TPO: variants seen among roughly 807,000 people sequenced by gnomAD.
TPO encodes thyroid microsomal antigen.
A neutral mutation model predicts 96.9 loss-of-function variants in TPO; 78 were observed. The observed-to-expected ratio is 0.81, with a 90% CI of 0.67 to 0.97. The LOEUF is 0.97. TPO is among the 50% of genes least tolerant of loss of function. The probability of loss-of-function intolerance (pLI) is 0.00; values close to 1 mark genes in which losing one functional copy is unlikely to be tolerated. For missense variants in TPO, 1,252 were observed against 1,274.8 expected (o/e 0.98, Z 0.27); for synonymous variants, 547 against 538.0 (o/e 1.02, Z -0.23).
intron 3 of TPO, among the ~76,000 whole-genome samples, chr2:1,432,398 T>G (rs550253191): frequency 6.6e-6 from 1 of 152,342 alleles, no homozygotes; most frequent in South Asian, 2.1e-4. Context: ...TGTGAAACCT[T>G]GGATTGGTTC....
At chr2:1,407,264 G>A (rs1255491034) in intron 1 of TPO, among the ~76,000 whole-genome samples, 2 of 152,230 alleles carry the variant, frequency 1.3e-5, no homozygotes, top group East Asian at 1.9e-4. Context: ...CACTTTGTTC[G>A]TAAAGGAACT....
chr2:1,543,121 C>A lies in TPO; in HGVS notation c.*647C>A, dbSNP rs981504704. 1 of 155,222 alleles carries A rather than the reference C, an allele frequency of 6.4e-6. No individual in the cohort carries two copies. Among genetic ancestry groups the A allele is most frequent in the South Asian group, 2.0e-4 (1 of 4,998 alleles). The allele number at this position is 155,222 out of a possible 1,614,324, so 9.6% of individuals were successfully genotyped here. ...TTACTCCTCCTTATACCCTCACTCACGGGGAACACAGCCCAGTGATCCCGG... is the reference window on the plus strand; with the variant it reads ...TTACTCCTCCTTATACCCTCACTCAAGGGGAACACAGCCCAGTGATCCCGG... On this transcript the variant is annotated 3_prime_UTR_variant, in exon 17 of 17. Coordinates refer to ENST00000329066, the MANE Select transcript of TPO (RefSeq NM_001206744.2).
At chr2:1,410,791 G>A (rs906767549), upstream of TPO, among the ~76,000 whole-genome samples, 9 of 152,120 alleles carry the variant, frequency 5.9e-5, no homozygotes, top group Non-Finnish European at 1.2e-4. Context: ...TGCGTTCCTT[G>A]CAGATTTCTG....
chr2:1,487,487 C>G (rs1206673565), intron 9 of TPO, among the ~76,000 whole-genome samples: 1 of 152,216 alleles, frequency 6.6e-6, no homozygotes, highest in African/African-American at 2.4e-5. Flanking sequence ...GTAATCCCAG[C>G]ACTTTGGGAG....
At chr2:1,416,554 C>T (rs1662978826) in intron 2 of TPO, among the ~76,000 whole-genome samples, 1 of 152,214 alleles carries the variant, frequency 6.6e-6, no homozygotes, top group Non-Finnish European at 1.5e-5. Context: ...GGAGATTTGA[C>T]CTTTTCGTTT....
intron 9 of TPO, among the ~76,000 whole-genome samples, chr2:1,485,749 G>A (rs1409373365): frequency 1.3e-5 from 2 of 152,120 alleles, no homozygotes; most frequent in Non-Finnish European, 2.9e-5. Flanking sequence ...TTTTGATGGG[G>A]TTGTTTGTTT....
intron 1 of TPO, among the ~76,000 whole-genome samples, chr2:1,402,523 G>A (rs570745002): frequency 2.0e-5 from 3 of 152,240 alleles, no homozygotes; most frequent in East Asian, 1.9e-4. Flanking sequence ...AGACATACCC[G>A]AGACTGGTCA....
intron 3 of TPO, among the ~76,000 whole-genome samples, chr2:1,428,626 G>T (rs925685338): frequency 2.0e-5 from 3 of 152,200 alleles, no homozygotes; most frequent in African/African-American, 7.2e-5. Flanking sequence ...GATGAGACAG[G>T]TGAGCCCTCG....
At chr2:1,415,803 C>A (rs1276968461) in intron 2 of TPO, among the ~76,000 whole-genome samples, 1 of 152,212 alleles carries the variant, frequency 6.6e-6, no homozygotes, top group Non-Finnish European at 1.5e-5. Flanking sequence ...CCTCGCTGTT[C>A]CCAGCCACAC....
At chr2:1,480,806 C>G (rs1670537061) in intron 8 of TPO, among the ~76,000 whole-genome samples, 1 of 152,122 alleles carries the variant, frequency 6.6e-6, no homozygotes, top group Non-Finnish European at 1.5e-5. Context: ...CCTCCTGCTG[C>G]ATCCGTCCAC....
In TPO at chr2:1,439,647, C is replaced by T. The variant is rs147601699; in HGVS notation, c.482+3263C>T. On this transcript the variant is annotated intron_variant, in intron 5 of 16. Coordinates refer to ENST00000329066, the MANE Select transcript of TPO (RefSeq NM_001206744.2). Reference sequence around the variant, plus strand: ...TCAGGCCGTTGGTAAGATACAGCCTCGTGGTCATCAGACCCCAGGTCGCTG... The same window carrying T: ...TCAGGCCGTTGGTAAGATACAGCCTTGTGGTCATCAGACCCCAGGTCGCTG... Among the ~76,000 whole-genome samples, 95 of 152,248 alleles carry T rather than the reference C, an allele frequency of 6.2e-4. 1 individual carries two copies. The East Asian group carries it at 0.016, about 25-fold the overall frequency.
intron 14 of TPO, among the ~76,000 whole-genome samples, chr2:1,516,648 C>A (rs944541346): frequency 2.0e-5 from 3 of 152,214 alleles, no homozygotes; most frequent in African/African-American, 7.2e-5. Context: ...ATAGAGAGAG[C>A]TAACTTCTCT....
intron 5 of TPO, among the ~76,000 whole-genome samples, chr2:1,443,770 A>T (rs866227475): frequency 3.0e-4 from 4 of 13,196 alleles, no homozygotes; most frequent in Non-Finnish European, 4.5e-4. Context: ...GGAATGGGGC[A>T]GGCTCCTTCT....
chr2:1,441,140 A>G (rs1261578443), intron 5 of TPO, among the ~76,000 whole-genome samples: 1 of 151,566 alleles, frequency 6.6e-6, no homozygotes, highest in African/African-American at 2.4e-5. Context: ...TCCTGTTTGC[A>G]TGGTGTAGTG....
intron 5 of TPO, among the ~76,000 whole-genome samples, chr2:1,441,361 T>A (rs1666177604): frequency 6.6e-6 from 1 of 152,208 alleles, no homozygotes; most frequent in South Asian, 2.1e-4. Flanking sequence ...ATAAAGGAAA[T>A]TATCAGTTCT....
intron 1 of TPO, among the ~76,000 whole-genome samples, chr2:1,381,308 A>T (rs1381772837): frequency 6.6e-6 from 1 of 152,240 alleles, no homozygotes; most frequent in Non-Finnish European, 1.5e-5. Flanking sequence ...ACTTAAATTT[A>T]CAAGAAAAAA....
chr2:1,392,416 T>C (rs1340369316), intron 1 of TPO, among the ~76,000 whole-genome samples: 1 of 152,232 alleles, frequency 6.6e-6, no homozygotes, highest in African/African-American at 2.4e-5. Context: ...CAGTATTTTA[T>C]TGAGGATTTT....
intron 1 of TPO, among the ~76,000 whole-genome samples, chr2:1,400,984 T>G (rs10183226): frequency 0.56 from 85,395 of 152,048 alleles, 24,240 homozygotes; most frequent in Admixed American, 0.63. Flanking sequence ...AAGTAACTGT[T>G]GTGCGTCATA....
chr2:1,524,845 A>G (rs1170908465), intron 15 of TPO, among the ~76,000 whole-genome samples: 1 of 129,502 alleles, frequency 7.7e-6, no homozygotes, highest in South Asian at 2.6e-4. Context: ...ATTCTGAGCA[A>G]CCTCCCCAAA....
Sources: gnomAD v4.1 joint callset for allele counts (sites outside exome capture counted in the v4.1 genomes callset) on GRCh38, gnomAD v4.1.1 for gene constraint, MANE v1.5 for transcripts, NCBI Gene and HGNC (gene_info 2026-07-23, HGNC 2026-07-21) for gene names.